The following CSMD1 variants were observed in gnomAD, a reference collection of about 807,000 sequenced individuals.
CSMD1 encodes the protein CUB and Sushi multiple domains 1.
Under a neutral mutation model 417.5 loss-of-function variants are expected in CSMD1, and 213 were observed. The observed-to-expected ratio is 0.51, with a 90% CI of 0.46 to 0.57. CSMD1 has a LOEUF of 0.57. Among genes scored for constraint, CSMD1 ranks in the 20% least tolerant of loss-of-function variants. The pLI, the probability that CSMD1 is intolerant of heterozygous loss-of-function variation, is 0.00. For synonymous variants in CSMD1, 2,862 were observed against 1,736.8 expected, an observed-to-expected ratio of 1.65 and a Z score of -16.11; for missense variants, 6,923 against 4,529.7, an observed-to-expected ratio of 1.53 and a Z score of -15.17.
At chr8:4,313,938 T>G (rs1250245099) in intron 3 of CSMD1, among the ~76,000 whole-genome samples, 1 of 151,878 alleles carries the variant, frequency 6.6e-6, no homozygotes, top group African/African-American at 2.4e-5. Context: ...CACTTGAACC[T>G]GGGAGGCAGA....
intron 3 of CSMD1, among the ~76,000 whole-genome samples, chr8:4,403,326 A>G (rs573166772): frequency 3.0e-4 from 46 of 152,108 alleles, no homozygotes; most frequent in African/African-American, 1.1e-3. Flanking sequence ...ATTTCCTTAC[A>G]TTTCATTTTA....
At position 2,938,942 on chromosome 8, in the gene CSMD1, T is replaced by TA. The variant is rs554446917; in HGVS notation, c.10536-199dup. ...GTGATTGGGAGTATAAAATGGGTTT[T>TA]AAAAAGTGAATCGATTTCAAAAATT... On this transcript the variant is annotated intron_variant, in intron 69 of 69. Transcript: ENST00000635120. 7.7e-4 allele frequency among the ~76,000 whole-genome samples: 118 copies of TA among 152,266 alleles called. 2 individuals carry two copies. The highest frequency in any genetic ancestry group is 2.7e-3 in the African/African-American group (113 of 41,548).
chr8:4,146,021 A>C (rs1270391202), intron 3 of CSMD1, among the ~76,000 whole-genome samples: 1 of 150,862 alleles, frequency 6.6e-6, no homozygotes, highest in Non-Finnish European at 1.5e-5. Flanking sequence ...TATTCAAAAA[A>C]AATCTGTTGG....
chr8:3,791,448 G>T (rs1404374258), intron 5 of CSMD1, among the ~76,000 whole-genome samples: 2 of 152,328 alleles, frequency 1.3e-5, no homozygotes, highest in Non-Finnish European at 2.9e-5. Flanking sequence ...CTAGCATAGT[G>T]CTGATACGTA....
chr8:4,414,048 T>G (rs964666917), intron 3 of CSMD1, among the ~76,000 whole-genome samples: 1 of 151,958 alleles, frequency 6.6e-6, no homozygotes, highest in African/African-American at 2.4e-5. Context: ...AAGGAAACAT[T>G]TCTATCCTGC....
At chr8:3,898,469 G>A (rs1807512384) in intron 5 of CSMD1, among the ~76,000 whole-genome samples, 1 of 152,218 alleles carries the variant, frequency 6.6e-6, no homozygotes, top group Non-Finnish European at 1.5e-5. Context: ...TATTATGGAT[G>A]TCGCATCATA....
intron 2 of CSMD1, among the ~76,000 whole-genome samples, chr8:4,445,942 G>C (rs1390660437): frequency 6.6e-6 from 1 of 152,136 alleles, no homozygotes; most frequent in African/African-American, 2.4e-5. Flanking sequence ...CAGAGAAAAA[G>C]TATTTCGGTG....
At chr8:4,968,864 C>T (rs189754725) in intron 1 of CSMD1, among the ~76,000 whole-genome samples, 13 of 152,302 alleles carry the variant, frequency 8.5e-5, no homozygotes, top group African/African-American at 3.1e-4. Flanking sequence ...CCGCTTAGTG[C>T]TACACACAAA....
At chr8:4,109,717 T>C (rs1029408956) in intron 3 of CSMD1, among the ~76,000 whole-genome samples, 11 of 152,154 alleles carry the variant, frequency 7.2e-5, no homozygotes, top group Admixed American at 2.6e-4. Flanking sequence ...CTATGAAAAA[T>C]CTTAAAACAA....
At chr8:3,079,082 A>G (rs1053372283) in intron 49 of CSMD1, among the ~76,000 whole-genome samples, 9 of 152,252 alleles carry the variant, frequency 5.9e-5, no homozygotes, top group African/African-American at 1.9e-4. Flanking sequence ...CCATCACTCA[A>G]TTGCGGGAGC....
chr8:3,771,130 C>A (rs939837704), intron 5 of CSMD1, among the ~76,000 whole-genome samples: 4 of 151,870 alleles, frequency 2.6e-5, no homozygotes, highest in Non-Finnish European at 5.9e-5. Flanking sequence ...AAATTGTGAA[C>A]AAAAAATAAA....
At chr8:4,980,171 T>G in intron 1 of CSMD1, among the ~76,000 whole-genome samples, 1 of 152,254 alleles carries the variant, frequency 6.6e-6, no homozygotes, top group Admixed American at 6.5e-5. Context: ...CAGAGAGTTC[T>G]GTGTCACCAG....
chr8:3,992,511 G>A (rs1182887702), intron 5 of CSMD1, among the ~76,000 whole-genome samples: 1 of 152,186 alleles, frequency 6.6e-6, no homozygotes, highest in Non-Finnish European at 1.5e-5. Flanking sequence ...GGGACTGGCT[G>A]TTGTGGCTCA....
Position 2,951,199 on chromosome 8 carries a change from A to T in CSMD1, c.10116T>A (p.Thr3372=). The T allele has an allele frequency of 6.2e-7, 1 of 1,612,946 alleles. No homozygotes were observed. Reference sequence around the variant, plus strand: ...TTGCATTGAACCAGTCAACAGTTAGAGTGGCGGGTTGTCTTTTCCCTAAAT... The same window carrying T: ...TTGCATTGAACCAGTCAACAGTTAGTGTGGCGGGTTGTCTTTTCCCTAAAT... ...YEYLGKRQPA[T]LTVDWFNATS... Residue 3372 remains threonine (T), a synonymous_variant, in exon 66 of 70, where the codon ACT becomes ACA. Coordinates refer to ENST00000635120, the MANE Select transcript of CSMD1 (RefSeq NM_033225.6).
chr8:3,949,989 A>G (rs1177060643), intron 5 of CSMD1: 1 of 455,842 alleles, frequency 2.2e-6, no homozygotes, highest in Non-Finnish European at 4.4e-6. Context: ...CTTGCATGAA[A>G]TTACCCACTA....
intron 15 of CSMD1, among the ~76,000 whole-genome samples, chr8:3,402,751 TTATTGA>T (rs1438045145): frequency 9.2e-5 from 14 of 152,208 alleles, no homozygotes; most frequent in Non-Finnish European, 1.8e-4. Flanking sequence ...TTTGTCTATT[TTATTGA>T]TATTAACAAC....
chr8:3,909,116 C>G (rs1339056343), intron 5 of CSMD1, among the ~76,000 whole-genome samples: 1 of 152,116 alleles, frequency 6.6e-6, no homozygotes, highest in Non-Finnish European at 1.5e-5. Flanking sequence ...ACAACTAAAG[C>G]AATATTCTGG....
intron 3 of CSMD1, among the ~76,000 whole-genome samples, chr8:4,208,955 G>T (rs1021176211): frequency 2.0e-5 from 3 of 152,108 alleles, no homozygotes; most frequent in Non-Finnish European, 4.4e-5. Context: ...TTTGCAGTAC[G>T]CAATTTAGAG....
chr8:4,318,736 C>G (rs764199438), intron 3 of CSMD1, among the ~76,000 whole-genome samples: 1 of 148,404 alleles, frequency 6.7e-6, no homozygotes, highest in Non-Finnish European at 1.5e-5. Flanking sequence ...AAGCCACTCT[C>G]TGTACTGGTT....
Sources: gnomAD v4.1 joint callset for allele counts (sites outside exome capture counted in the v4.1 genomes callset) on GRCh38, gnomAD v4.1.1 for gene constraint, MANE v1.5 for transcripts, NCBI Gene and HGNC (gene_info 2026-07-23, HGNC 2026-07-21) for gene names.